The following RAB44 variants were observed in gnomAD, a reference collection of about 807,000 sequenced individuals.
RAB44 encodes the protein RAB44, member RAS oncogene family.
In RAB44, 67 loss-of-function variants were observed where a neutral mutation model predicts 93.3. The observed-to-expected ratio is 0.72, with a 90% confidence interval of 0.59 to 0.88. RAB44 has a LOEUF of 0.88. Among genes scored for constraint, RAB44 ranks in the 40% least tolerant of loss-of-function variants. The pLI is 0.00. For missense variants in RAB44, 1,064 were observed against 1,261.7 expected (o/e 0.84, Z 2.37); for synonymous variants, 427 against 520.3 (o/e 0.82, Z 2.44).
chr6:36,717,721 G>C lies in RAB44; in HGVS notation c.641+302G>C, dbSNP rs535018505. Reference sequence around the variant, plus strand: ...CCCTGGAGTTGGGTTATAAGGGCAGGAGGACGGTGAAAGAGGGAGTGGGGA... The same window carrying C: ...CCCTGGAGTTGGGTTATAAGGGCAGCAGGACGGTGAAAGAGGGAGTGGGGA... On this transcript the variant is annotated intron_variant, in intron 5 of 13. Coordinates refer to ENST00000612677, the MANE Select transcript of RAB44 (RefSeq NM_001257357.2). The surrounding 1 kb of genome is among the most constrained non-coding windows in gnomAD (Gnocchi z 4.1). Among the ~76,000 whole-genome samples, 1 of 152,318 alleles carries C rather than the reference G, an allele frequency of 6.6e-6. No homozygotes were observed. The highest frequency in any genetic ancestry group is 6.5e-5 in the Admixed American group (1 of 15,308).
chr6:36,707,812 C>T (rs1582615451), intron 2 of RAB44, among the ~76,000 whole-genome samples: 1 of 152,340 alleles, frequency 6.6e-6, no homozygotes, highest in Non-Finnish European at 1.5e-5. Context: ...CCAGTAATGA[C>T]ACTGAAAGGC....
chr6:36,713,512 C>G (rs1172526911), intron 2 of RAB44, among the ~76,000 whole-genome samples: 4 of 152,150 alleles, frequency 2.6e-5, no homozygotes, highest in African/African-American at 9.7e-5. Flanking sequence ...AATTTTTGGA[C>G]ACTGATCACC....
Position 36,721,820 on chromosome 6 carries a change from G to T in RAB44, c.1686G>T (p.Arg562=). ...AAACCCCTCCCACCATGACTGAGCG[G>T]GAAACCCAGCCCGGACCCTCACCCA... ...PTQTPPTMTE[R]ETQPGPSPTT... Residue 562 remains arginine (R), a synonymous_variant, in exon 9 of 14, where the codon CGG becomes CGT. Transcript: ENST00000612677. 8.1e-7 allele frequency: 1 copy of T among 1,234,620 alleles called. No homozygotes were observed. The highest frequency in any genetic ancestry group is 4.1e-5 in the South Asian group (1 of 24,408). The allele number at this position is 1,234,620 out of a possible 1,614,324, so 76.5% of individuals were successfully genotyped here.
At chr6:36,719,537 A>G (rs1451218806) in intron 7 of RAB44, among the ~76,000 whole-genome samples, 1 of 152,252 alleles carries the variant, frequency 6.6e-6, no homozygotes, top group African/African-American at 2.4e-5. Context: ...CTCTGCCCAC[A>G]GAGTTACCAT....
chr6:36,708,120 G>A (rs1482296498), intron 2 of RAB44, among the ~76,000 whole-genome samples: 2 of 151,994 alleles, frequency 1.3e-5, no homozygotes, highest in African/African-American at 4.8e-5. Context: ...GCTAAGGTGG[G>A]AAGATTGCTT....
rs1019081229 is a variant in RAB44, at chr6:36,715,666, C to T, written c.494+13C>T. The stretch of plus-strand genomic sequence containing the variant: ...ACTTACTTCCCAAGTAAGGCCAGGG[C>T]GGCATGTGCATGGGGAGAGGCTCTG... On this transcript the variant is annotated intron_variant, in intron 4 of 13. Transcript: ENST00000612677. 7.6e-5 allele frequency: 116 copies of T among 1,535,010 alleles called. 1 individual carries two copies. In the East Asian group the frequency reaches 1.6e-3, roughly 21 times the overall value.
In RAB44 at chr6:36,715,472, C is replaced by A. The variant is rs757776049; in HGVS notation, c.320-7C>A. 6.5e-6 allele frequency: 10 copies of A among 1,536,000 alleles called. No individual in the cohort carries two copies. Among genetic ancestry groups the A allele is most frequent in the Non-Finnish European group, 8.7e-6 (10 of 1,146,846 alleles). ...TGTGCTCCCCTCTGTCCACTTCTGT[C>A]CCACAGAAAACATCTTTGGCTCCAG... is the stretch of plus-strand genomic sequence containing the variant. On this transcript the variant is annotated splice_polypyrimidine_tract_variant and splice_region_variant and intron_variant, in intron 3 of 13. Transcript: ENST00000612677.
At chr6:36,698,718 G>T (rs1021153732) in intron 1 of RAB44, among the ~76,000 whole-genome samples, 1 of 152,032 alleles carries the variant, frequency 6.6e-6, no homozygotes, top group Non-Finnish European at 1.5e-5. Context: ...GGGTGGCCCT[G>T]CCAGCTGACT....
At position 36,702,631 on chromosome 6, in the gene RAB44, A is replaced by T. The variant is rs138958807; in HGVS notation, c.-12-1593A>T. Among the ~76,000 whole-genome samples the T allele has an allele frequency of 2.9e-3, 438 of 152,240 alleles. 4 individuals carry two copies. The highest frequency in any genetic ancestry group is 9.4e-3 in the African/African-American group (392 of 41,528). On this transcript the variant is annotated intron_variant, in intron 1 of 13. Transcript: ENST00000612677. ...TCACACACACTGTTTACTGCTTCCAAATCCTACATGCCTCCTGCAGAACCT... is the reference window on the plus strand; with the variant it reads ...TCACACACACTGTTTACTGCTTCCATATCCTACATGCCTCCTGCAGAACCT...
At chr6:36,703,166 A>G (rs971469281) in intron 1 of RAB44, among the ~76,000 whole-genome samples, 14 of 152,320 alleles carry the variant, frequency 9.2e-5, no homozygotes, top group Admixed American at 7.8e-4. Context: ...CAGAAGGACG[A>G]CAGGGAGCAC....
At chr6:36,725,832 G>C (rs11968760) in intron 9 of RAB44, 30 bp from the exon 10 acceptor site, 2 of 1,505,814 alleles carry the variant, frequency 1.3e-6, no homozygotes, top group Non-Finnish European at 1.8e-6. Context: ...TGGTAACTTA[G>C]TAGGCTTCAC....
At chr6:36,712,067 C>T (rs898714154) in intron 2 of RAB44, among the ~76,000 whole-genome samples, 8 of 152,180 alleles carry the variant, frequency 5.3e-5, no homozygotes, top group Non-Finnish European at 1.0e-4. Flanking sequence ...CTTTGGGAGG[C>T]TGAGGCAGGT....
rs1453003577 is a variant in RAB44 at position 36,722,646 on chromosome 6, T to G, written c.2512T>G (p.Phe838Val). The change falls in exon 9 of 14, where the codon TTT becomes GTT. Residue 838 changes from phenylalanine to valine, a missense_variant. By Grantham distance (50) the Phe-to-Val change is conservative. Transcript: ENST00000612677. ...ANPDYLFHVI[F>V]LGDSNVGKTS... ...CCCTGATTACCTCTTCCATGTCATCTTTCTGGGAGACTCCAACGTGGGCAA... is the reference window on the plus strand; with the variant it reads ...CCCTGATTACCTCTTCCATGTCATCGTTCTGGGAGACTCCAACGTGGGCAA... The G allele has an allele frequency of 3.1e-5, 48 of 1,550,556 alleles. No homozygotes were observed. The highest frequency in any genetic ancestry group is 3.7e-5 in the Non-Finnish European group (43 of 1,147,014).
At position 36,729,324 on chromosome 6, in the gene RAB44, A is replaced by T. The variant is rs534461565; in HGVS notation, c.2898+523A>T. Among the ~76,000 whole-genome samples the T allele has an allele frequency of 3.9e-3, 600 of 152,254 alleles. 2 individuals are homozygous for T. Among genetic ancestry groups the T allele is most frequent in the African/African-American group, 0.014 (583 of 41,540 alleles). ...CACATTCCAGAAAATCTGGAGAGTA[A>T]TAAAAATAGAGGGAAAAATCACTCC... On this transcript the variant is annotated intron_variant, in intron 12 of 13. Coordinates refer to ENST00000612677, the MANE Select transcript of RAB44 (RefSeq NM_001257357.2).
rs557745513 is a variant in RAB44, at chr6:36,733,124, G to A, written c.*1031G>A. The stretch of plus-strand genomic sequence containing the variant: ...TCTTGGAGAGACGGCCATGGTCTTC[G>A]TTTGTATGTCTGTCACATCTTACCA... On this transcript the variant is annotated 3_prime_UTR_variant, in exon 14 of 14. Coordinates refer to ENST00000612677, the MANE Select transcript of RAB44 (RefSeq NM_001257357.2). 26 of 152,314 alleles carry A rather than the reference G, an allele frequency of 1.7e-4. No individual in the cohort carries two copies. The highest frequency in any genetic ancestry group is 1.0e-3 in the South Asian group (5 of 4,830). 9.4% of individuals were successfully genotyped at this position (152,314 alleles called of 1,614,324 possible).
Position 36,731,864 on chromosome 6 carries a change from C to T in RAB44, c.2976-139C>T. 2.3e-6 allele frequency: 1 copy of T among 428,224 alleles called. No individual in the cohort carries two copies. The highest frequency in any genetic ancestry group is 3.9e-6 in the Non-Finnish European group (1 of 255,076). The allele number at this position is 428,224 out of a possible 1,614,324, so 26.5% of individuals were successfully genotyped here. On this transcript the variant is annotated intron_variant, in intron 13 of 13. Transcript: ENST00000612677. This position sits in a 1 kb window ranked among gnomAD's most constrained non-coding sequence, Gnocchi z 4.0. ...CTCAGTGACTCAATTCTTCGGGTCT[C>T]ATGTGGAATGCAGGGCAGGGGCAGA...
At chr6:36,706,074 A>AT (rs2150325885) in intron 2 of RAB44, among the ~76,000 whole-genome samples, 2 of 152,160 alleles carry the variant, frequency 1.3e-5, no homozygotes, top group South Asian at 4.1e-4. Context: ...TGATTCTTAA[A>AT]TTTTTTATAA....
rs59197383 is a variant in RAB44, at chr6:36,714,208, C to T, written c.319+269C>T. Among the ~76,000 whole-genome samples the T allele has an allele frequency of 5.9e-3, 905 of 152,324 alleles. 9 individuals are homozygous for T. The highest frequency in any genetic ancestry group is 0.048 in the Middle Eastern group (14 of 294). ...GGTCTTGACACCACAGATTTGTTTC[C>T]GCCTGAGGAGAGTAACATTGTGGCT... On this transcript the variant is annotated intron_variant, in intron 3 of 13. Transcript: ENST00000612677.
chr6:36,700,164 CT>C (rs1582602786), intron 1 of RAB44, among the ~76,000 whole-genome samples: 1 of 152,206 alleles, frequency 6.6e-6, no homozygotes, highest in Non-Finnish European at 1.5e-5. Context: ...GATGTTTCAA[CT>C]TTAATTATCT....
Sources: allele counts gnomAD v4.1 joint callset (sites outside exome capture counted in the v4.1 genomes callset), GRCh38; gene constraint gnomAD v4.1.1; non-coding constraint Gnocchi (gnomAD v3.1); transcripts MANE v1.5; gene names NCBI Gene and HGNC (gene_info 2026-07-23, HGNC 2026-07-21).